The following TXK variants were observed in gnomAD, a reference collection of about 807,000 sequenced individuals.
TXK encodes tyrosine-protein kinase TXK.
Under a neutral mutation model 81.0 loss-of-function variants are expected in TXK, and 60 were observed. The ratio of observed to expected loss-of-function variants is 0.74; its 90% CI spans 0.60 to 0.92. TXK has a LOEUF of 0.92. Among genes scored for constraint, TXK ranks in the 40% least tolerant of loss-of-function variants. TXK has a pLI of 0.00. For synonymous variants in TXK, 203 were observed against 210.7 expected, an observed-to-expected ratio of 0.96 and a Z score of 0.32; for missense variants, 581 against 638.3, an observed-to-expected ratio of 0.91 and a Z score of 0.97.
At chr4:48,085,243 A>G (rs542668723) in intron 10 of TXK, among the ~76,000 whole-genome samples, 1 of 152,276 alleles carries the variant, frequency 6.6e-6, no homozygotes, top group Non-Finnish European at 1.5e-5. Flanking sequence ...GTCTACAAAG[A>G]GCCACTTCTT....
At chr4:48,072,205 T>C (rs1560338090) in intron 13 of TXK, among the ~76,000 whole-genome samples, 1 of 152,174 alleles carries the variant, frequency 6.6e-6, no homozygotes. Flanking sequence ...GGTTTCACCA[T>C]GTTGGCCAGG....
chr4:48,112,638 G>C (rs902138289), intron 3 of TXK, 126 bp from the exon 4 acceptor site: 9 of 924,184 alleles, frequency 9.7e-6, no homozygotes, highest in Non-Finnish European at 1.4e-5. Flanking sequence ...GCAGAAGCCA[G>C]GATGAGATAA....
At position 48,105,663 on chromosome 4, in the gene TXK, G is replaced by A. The variant is rs150006022; in HGVS notation, c.447-708C>T. On this transcript the variant is annotated intron_variant, in intron 5 of 14. Transcript: ENST00000264316. ...ACTGTTGATAAAAAAAAACTTGCAT[G>A]TGTACCCTCTAGATCTAATATAAAA... Among the ~76,000 whole-genome samples, 427 of 152,202 alleles carry A rather than the reference G, an allele frequency of 2.8e-3. 4 individuals carry two copies. The highest frequency in any genetic ancestry group is 9.9e-3 in the African/African-American group (412 of 41,516).
intron 11 of TXK, among the ~76,000 whole-genome samples, chr4:48,077,259 T>G (rs1330350971): frequency 1.5e-5 from 1 of 67,952 alleles, no homozygotes; most frequent in Non-Finnish European, 3.1e-5. Flanking sequence ...ATTTGATTAT[T>G]TAGCCTCATG....
intron 6 of TXK, among the ~76,000 whole-genome samples, chr4:48,101,883 A>G (rs949647557): frequency 1.3e-5 from 2 of 152,060 alleles, no homozygotes; most frequent in African/African-American, 2.4e-5. Flanking sequence ...AAAACAATAT[A>G]AAGTTCTCCT....
chr4:48,101,124 C>A (rs181958930), intron 6 of TXK, among the ~76,000 whole-genome samples: 1 of 151,880 alleles, frequency 6.6e-6, no homozygotes, highest in African/African-American at 2.4e-5. Flanking sequence ...GATTTTGAAC[C>A]ACGTGAACAT....
chr4:48,089,949 T>A (rs1410819504), intron 8 of TXK, 125 bp from the exon 9 acceptor site: 3 of 623,002 alleles, frequency 4.8e-6, no homozygotes, highest in Non-Finnish European at 8.2e-6. Context: ...TACCAGTTAG[T>A]CAGCAGTTTG....
intron 14 of TXK, among the ~76,000 whole-genome samples, chr4:48,068,589 A>G (rs1381859900): frequency 6.6e-6 from 1 of 152,248 alleles, no homozygotes; most frequent in African/African-American, 2.4e-5. Flanking sequence ...GCAACTCTAA[A>G]GGAAGATATT....
At chr4:48,096,587 C>A (rs951125682) in intron 6 of TXK, among the ~76,000 whole-genome samples, 1 of 152,176 alleles carries the variant, frequency 6.6e-6, no homozygotes, top group African/African-American at 2.4e-5. Context: ...ATGGCATGAT[C>A]TCGGCTCACT....
At chr4:48,104,821 A>G (rs745798935) in intron 6 of TXK, 80 bp downstream of exon 6, 1 of 1,075,578 alleles carries the variant, frequency 9.3e-7, no homozygotes, top group South Asian at 1.5e-5. Context: ...GACAAGAAAT[A>G]ATATACTTTT....
intron 6 of TXK, among the ~76,000 whole-genome samples, chr4:48,101,616 A>G (rs2109448670): frequency 6.6e-6 from 1 of 152,146 alleles, no homozygotes; most frequent in Non-Finnish European, 1.5e-5. Context: ...TATATAAATT[A>G]GAAAAACATT....
At chr4:48,089,987 A>AT (rs1381752089) in intron 8 of TXK, among the ~76,000 whole-genome samples, 163 bp from the exon 9 acceptor site, 32 of 150,324 alleles carry the variant, frequency 2.1e-4, no homozygotes, top group Non-Finnish European at 1.5e-5. Context: ...TCCAAAAAAA[A>AT]ATATATACTC....
At chr4:48,105,426 T>C (rs1355340202) in intron 5 of TXK, among the ~76,000 whole-genome samples, 2 of 152,148 alleles carry the variant, frequency 1.3e-5, no homozygotes, top group Non-Finnish European at 2.9e-5. Context: ...TACGTCATAG[T>C]ATAGTCAGTA....
chr4:48,075,268 C>T (rs1338421298), intron 12 of TXK, among the ~76,000 whole-genome samples: 3 of 152,096 alleles, frequency 2.0e-5, no homozygotes, highest in East Asian at 1.9e-4. Context: ...AGGTGGAGCC[C>T]TTGGAAAGGC....
intron 6 of TXK, among the ~76,000 whole-genome samples, chr4:48,097,451 ACT>A (rs1718025617): frequency 7.5e-6 from 1 of 134,150 alleles, no homozygotes; most frequent in South Asian, 2.3e-4. Context: ...ACGGAGTCCC[ACT>A]CTGTCGCCAG....
At chr4:48,080,738 GAACTTTT>G (rs764076064) in intron 10 of TXK, among the ~76,000 whole-genome samples, 7 of 149,418 alleles carry the variant, frequency 4.7e-5, no homozygotes, top group Non-Finnish European at 7.4e-5. Context: ...AATATACCCA[GAACTTTT>G]TAGTTATCTA....
intron 6 of TXK, among the ~76,000 whole-genome samples, chr4:48,098,504 C>T (rs898870367): frequency 4.6e-5 from 7 of 152,150 alleles, no homozygotes; most frequent in Non-Finnish European, 7.3e-5. Context: ...ACGAACATCC[C>T]TAGAGATGTT....
intron 10 of TXK, among the ~76,000 whole-genome samples, chr4:48,086,160 G>C (rs570294340): frequency 2.0e-5 from 3 of 152,196 alleles, no homozygotes; most frequent in African/African-American, 4.8e-5. Context: ...CTCTTCACAA[G>C]GCATTCTGCA....
intron 3 of TXK, 139 bp from the exon 4 acceptor site, chr4:48,112,651 G>A (rs931995959): frequency 7.4e-6 from 6 of 813,914 alleles, no homozygotes; most frequent in Non-Finnish European, 1.1e-5. Context: ...TGAGATAAAT[G>A]TAGAAAAGGA....
Sources: allele counts gnomAD v4.1 joint callset (sites outside exome capture counted in the v4.1 genomes callset), GRCh38; gene constraint gnomAD v4.1.1; transcripts MANE v1.5; gene names NCBI Gene and HGNC (gene_info 2026-07-23, HGNC 2026-07-21).